Variants in DLG2 observed in about 807,000 individuals in gnomAD.
The protein encoded by DLG2 is disks large homolog 2.
DLG2 carries 45 observed loss-of-function variants against 132.5 expected under a neutral mutation model. The ratio of observed to expected loss-of-function variants is 0.34; its 90% CI spans 0.27 to 0.44. The LOEUF (loss-of-function observed/expected upper bound fraction) is 0.44, where lower values mean the gene tolerates loss of function less well. Among genes scored for constraint, DLG2 ranks in the 20% least tolerant of loss-of-function variants. The pLI, the probability that DLG2 is intolerant of heterozygous loss-of-function variation, is 1.00. For missense variants in DLG2, 1,045 were observed against 1,196.9 expected (o/e 0.87, Z 1.87); for synonymous variants, 424 against 419.6 (o/e 1.01, Z -0.13).
intron 6 of DLG2, chr11:84,891,045 G>C (rs572429657): frequency 6.6e-6 from 1 of 152,012 alleles, no homozygotes. Flanking sequence ...TCCCTCACCC[G>C]GGTTCCCAGA....
At position 83,600,358 on chromosome 11, in the gene DLG2, G is replaced by T. The variant is rs796674395; in HGVS notation, c.1940+32853C>A. On this transcript the variant is annotated intron_variant, in intron 19 of 27. Coordinates refer to ENST00000376104, the MANE Select transcript of DLG2 (RefSeq NM_001142699.3). ...TATTGGAACCAGCCTGTGAAGACAA[G>T]AATGCAATGTTTCTCTTGAGAAATT... Among the ~76,000 whole-genome samples, 19 of 152,026 alleles carry T rather than the reference G, an allele frequency of 1.2e-4. 1 individual carries two copies. The highest frequency in any genetic ancestry group is 4.6e-4 in the African/African-American group (19 of 41,488).
At chr11:84,349,103 T>C (rs1043748084) in intron 7 of DLG2, among the ~76,000 whole-genome samples, 6 of 152,188 alleles carry the variant, frequency 3.9e-5, no homozygotes, top group Admixed American at 3.9e-4. Flanking sequence ...TTAGATTACC[T>C]CCCGGTTTTA....
intron 12 of DLG2, among the ~76,000 whole-genome samples, chr11:83,967,804 C>A (rs563430145): frequency 6.6e-6 from 1 of 152,120 alleles, no homozygotes; most frequent in Admixed American, 6.6e-5. Context: ...ATGACAAGGT[C>A]AAGGAAGCTT....
intron 2 of DLG2, among the ~76,000 whole-genome samples, chr11:85,608,497 T>C (rs1176624549): frequency 1.3e-5 from 2 of 152,154 alleles, no homozygotes; most frequent in East Asian, 1.9e-4. Flanking sequence ...GGAGAATACA[T>C]AACTATGCAA....
chr11:84,350,130 A>G (rs979556685), intron 7 of DLG2, among the ~76,000 whole-genome samples: 3 of 145,694 alleles, frequency 2.1e-5, no homozygotes, highest in Non-Finnish European at 3.0e-5. Flanking sequence ...GTGAGCCGAG[A>G]TTGCGCCAAG....
intron 7 of DLG2, among the ~76,000 whole-genome samples, chr11:84,334,828 T>C (rs921723595): frequency 6.6e-6 from 1 of 152,044 alleles, no homozygotes; most frequent in Admixed American, 6.5e-5. Context: ...TATGGGGGTA[T>C]ATAAGAGAGG....
intron 3 of DLG2, among the ~76,000 whole-genome samples, chr11:85,473,953 A>G (rs753942920): frequency 6.6e-6 from 1 of 152,010 alleles, no homozygotes; most frequent in Non-Finnish European, 1.5e-5. Context: ...ACAAAAGACG[A>G]TAGAAATAAT....
intron 7 of DLG2, among the ~76,000 whole-genome samples, chr11:84,416,959 T>C (rs1226174535): frequency 1.3e-5 from 2 of 152,338 alleles, no homozygotes; most frequent in Non-Finnish European, 2.9e-5. Context: ...TTTATAATTA[T>C]TGAAATATGA....
intron 3 of DLG2, among the ~76,000 whole-genome samples, chr11:85,459,153 T>C (rs1289569557): frequency 6.6e-6 from 1 of 152,194 alleles, no homozygotes; most frequent in African/African-American, 2.4e-5. Context: ...GGGTCTTCGC[T>C]GCTTCTCCAA....
intron 6 of DLG2, among the ~76,000 whole-genome samples, chr11:84,903,507 G>A (rs2091153292): frequency 6.6e-6 from 1 of 152,120 alleles, no homozygotes. Context: ...CTACTCAGGG[G>A]CAGGAATCTT....
intron 6 of DLG2, among the ~76,000 whole-genome samples, chr11:84,662,285 T>C (rs556323212): frequency 1.3e-5 from 2 of 150,652 alleles, no homozygotes; most frequent in African/African-American, 4.9e-5. Flanking sequence ...CAAATGATTC[T>C]CCTGCCTCAG....
At chr11:83,917,028 A>G (rs1245192475) in intron 15 of DLG2, among the ~76,000 whole-genome samples, 1 of 152,182 alleles carries the variant, frequency 6.6e-6, no homozygotes, top group Non-Finnish European at 1.5e-5. Flanking sequence ...ATGATTTAAT[A>G]ATACTAAGGG....
chr11:84,071,593 C>G (rs926728999), intron 10 of DLG2, among the ~76,000 whole-genome samples: 5 of 152,120 alleles, frequency 3.3e-5, no homozygotes, highest in African/African-American at 1.2e-4. Flanking sequence ...TGTCAATCAC[C>G]TAGATTCTGG....
At chr11:84,224,070 T>A (rs893342714) in intron 8 of DLG2, among the ~76,000 whole-genome samples, 6 of 152,296 alleles carry the variant, frequency 3.9e-5, no homozygotes, top group African/African-American at 1.2e-4. Context: ...CCCATGCAAC[T>A]TCCTGCCTTC....
intron 18 of DLG2, among the ~76,000 whole-genome samples, chr11:83,709,935 C>T (rs1024548007): frequency 6.6e-6 from 1 of 152,156 alleles, no homozygotes; most frequent in East Asian, 1.9e-4. Flanking sequence ...TCTAGCTTTA[C>T]CCTCTTGCTG....
intron 6 of DLG2, among the ~76,000 whole-genome samples, chr11:84,744,107 C>G (rs961679965): frequency 6.6e-6 from 1 of 152,066 alleles, no homozygotes; most frequent in Admixed American, 6.6e-5. Context: ...AGATTTTATC[C>G]AGGCTAAAAA....
At chr11:84,211,890 T>C (rs1255416764) in intron 8 of DLG2, among the ~76,000 whole-genome samples, 6 of 152,162 alleles carry the variant, frequency 3.9e-5, no homozygotes, top group Non-Finnish European at 8.8e-5. Flanking sequence ...GGCTCCAACA[T>C]TTCCAAACTT....
At chr11:85,077,154 A>G (rs2066645821) in intron 6 of DLG2, among the ~76,000 whole-genome samples, 1 of 151,938 alleles carries the variant, frequency 6.6e-6, no homozygotes. Context: ...TGCATGAGTA[A>G]AACCACATAT....
chr11:84,053,521 A>G (rs1034668074), intron 11 of DLG2, among the ~76,000 whole-genome samples: 1 of 151,980 alleles, frequency 6.6e-6, no homozygotes, highest in Non-Finnish European at 1.5e-5. Flanking sequence ...CCTTAGTATT[A>G]ATGAGTTCTT....
Sources: allele counts gnomAD v4.1 joint callset (sites outside exome capture counted in the v4.1 genomes callset), GRCh38; gene constraint gnomAD v4.1.1; transcripts MANE v1.5; gene names NCBI Gene and HGNC (gene_info 2026-07-23, HGNC 2026-07-21).